The following SOX6 variants were observed in gnomAD, a reference collection of about 807,000 sequenced individuals.
SOX6 encodes the protein SRY-box transcription factor 6, also known as transcription factor SOX-6.
A neutral mutation model predicts 97.8 loss-of-function variants in SOX6; 11 were observed. That is an observed-to-expected ratio of 0.11 (90% confidence interval 0.07 to 0.19). The LOEUF (loss-of-function observed/expected upper bound fraction) is 0.19, where lower values mean the gene tolerates loss of function less well. Ranked by LOEUF, SOX6 falls within the 10% of genes least tolerant of loss-of-function variation. SOX6 has a pLI of 1.00. For synonymous variants in SOX6, 360 were observed against 371.4 expected (o/e 0.97, Z 0.35); for missense variants, 810 against 1,039.5 (o/e 0.78, Z 3.04).
chr11:16,643,301 A>G (rs1231809939), intron 3 of SOX6, among the ~76,000 whole-genome samples: 1 of 152,074 alleles, frequency 6.6e-6, no homozygotes, highest in African/African-American at 2.4e-5. Flanking sequence ...GTACCCAGCC[A>G]TGTGAGGTGT....
At chr11:16,098,803 C>G (rs1848866440) in intron 7 of SOX6, among the ~76,000 whole-genome samples, 1 of 151,744 alleles carries the variant, frequency 6.6e-6, no homozygotes, top group Non-Finnish European at 1.5e-5. Context: ...AATGAATAGA[C>G]AGCTTAGAAA....
At chr11:16,588,040 A>G (rs1235124812) in intron 4 of SOX6, among the ~76,000 whole-genome samples, 1 of 152,240 alleles carries the variant, frequency 6.6e-6, no homozygotes, top group Non-Finnish European at 1.5e-5. Flanking sequence ...CACTATGGAA[A>G]TATACTCTAT....
chr11:16,058,918 C>A (rs902902637), intron 9 of SOX6, among the ~76,000 whole-genome samples: 1 of 152,010 alleles, frequency 6.6e-6, no homozygotes, highest in Admixed American at 6.6e-5. Flanking sequence ...AGGGAGGGAT[C>A]ATCTTATGTC....
At chr11:16,091,552 C>A (rs1848688011) in intron 9 of SOX6, among the ~76,000 whole-genome samples, 1 of 152,084 alleles carries the variant, frequency 6.6e-6, no homozygotes, top group South Asian at 2.1e-4. Context: ...CTGATGGGCA[C>A]TTCTTTACTT....
intron 4 of SOX6, among the ~76,000 whole-genome samples, chr11:16,578,678 A>G (rs1207747298): frequency 6.6e-6 from 1 of 152,168 alleles, no homozygotes; most frequent in Non-Finnish European, 1.5e-5. Flanking sequence ...CTTAAAATAC[A>G]AAGTTTGAAA....
At chr11:16,037,435 G>A (rs1382349826) in intron 12 of SOX6, among the ~76,000 whole-genome samples, 3 of 152,184 alleles carry the variant, frequency 2.0e-5, no homozygotes, top group South Asian at 2.1e-4. Flanking sequence ...AGGAAGGGCA[G>A]GAGTGCAAAA....
intron 2 of SOX6, among the ~76,000 whole-genome samples, chr11:16,332,389 C>A (rs1048289785): frequency 6.6e-6 from 1 of 152,038 alleles, no homozygotes. Flanking sequence ...TTCTATTATA[C>A]CACCATAATC....
chr11:16,137,507 C>T (rs990878889), intron 6 of SOX6, among the ~76,000 whole-genome samples: 1 of 152,094 alleles, frequency 6.6e-6, no homozygotes, highest in African/African-American at 2.4e-5. Flanking sequence ...ATAAAAAGTC[C>T]ATTGTTTAGA....
intron 4 of SOX6, among the ~76,000 whole-genome samples, chr11:16,542,878 T>C (rs1364230382): frequency 6.6e-6 from 1 of 152,198 alleles, no homozygotes; most frequent in African/African-American, 2.4e-5. Context: ...GGTTGTTTTC[T>C]TTTTCAGAAT....
chr11:16,511,927 T>A (rs551155099), intron 4 of SOX6, among the ~76,000 whole-genome samples: 14 of 152,326 alleles, frequency 9.2e-5, no homozygotes, highest in African/African-American at 3.4e-4. Context: ...CCCATTTCAG[T>A]GTCTTACAGT....
At chr11:16,237,650 T>C (rs937614316) in intron 3 of SOX6, among the ~76,000 whole-genome samples, 3 of 151,966 alleles carry the variant, frequency 2.0e-5, no homozygotes, top group East Asian at 3.9e-4. Context: ...TGAGTGGCTT[T>C]AACACAGTAA....
intron 3 of SOX6, among the ~76,000 whole-genome samples, chr11:16,293,606 T>C (rs1467596962): frequency 6.6e-6 from 1 of 152,050 alleles, no homozygotes; most frequent in Non-Finnish European, 1.5e-5. Context: ...CACTACATTC[T>C]TTTGGCAACA....
In SOX6 at chr11:16,607,211, G is replaced by A. The variant is rs936472918; in HGVS notation, n.609+4870C>T. 2 of 152,724 alleles carry A rather than the reference G, an allele frequency of 1.3e-5. No homozygotes were observed. Among genetic ancestry groups the A allele is most frequent in the African/African-American group, 2.4e-5 (1 of 41,458 alleles). The allele number at this position is 152,724 out of a possible 1,614,324, so 9.5% of individuals were successfully genotyped here. A position where few individuals can be genotyped will look rare whatever the true frequency, so the allele number is the denominator to read the frequency against. ...GCCCGGAAGGGCAGGAGCGGAAGAC[G>A]CCGGGGGACGGCGGCCCGGCCCTGG... On this transcript the variant is annotated intron_variant and non_coding_transcript_variant, in intron 4 of 5. Transcript: ENST00000524520. This position sits in a 1 kb window ranked among gnomAD's most constrained non-coding sequence, Gnocchi z 6.5.
chr11:16,534,337 C>T (rs1861277378), intron 4 of SOX6, among the ~76,000 whole-genome samples: 1 of 152,070 alleles, frequency 6.6e-6, no homozygotes, highest in African/African-American at 2.4e-5. Flanking sequence ...ATAGATAACA[C>T]TGATTTTTTT....
intron 12 of SOX6, among the ~76,000 whole-genome samples, chr11:16,034,725 T>C (rs1318536443): frequency 6.6e-6 from 1 of 152,220 alleles, no homozygotes; most frequent in South Asian, 2.1e-4. Context: ...ACACATACAC[T>C]GTCATACAGA....
chr11:16,524,472 G>C, intron 4 of SOX6, among the ~76,000 whole-genome samples: 2 of 152,082 alleles, frequency 1.3e-5, no homozygotes, highest in Admixed American at 1.3e-4. Flanking sequence ...GGTATTGATG[G>C]GACATATCTC....
intron 12 of SOX6, among the ~76,000 whole-genome samples, chr11:16,017,534 G>C (rs182223505): frequency 1.3e-5 from 2 of 152,138 alleles, no homozygotes; most frequent in African/African-American, 4.8e-5. Context: ...TTTCTTCAAA[G>C]AATAGCTCAG....
intron 3 of SOX6, among the ~76,000 whole-genome samples, chr11:16,278,781 T>C (rs866664307): frequency 5.3e-5 from 8 of 152,030 alleles, no homozygotes; most frequent in Non-Finnish European, 8.8e-5. Flanking sequence ...CAGAAAATTC[T>C]TATAGATTAT....
intron 6 of SOX6, among the ~76,000 whole-genome samples, chr11:16,169,095 C>A (rs149142646): frequency 6.6e-5 from 10 of 152,140 alleles, no homozygotes; most frequent in African/African-American, 2.4e-4. Context: ...GAATTTTTAA[C>A]AAATTTATTG....
Sources: allele counts gnomAD v4.1 joint callset (sites outside exome capture counted in the v4.1 genomes callset), GRCh38; gene constraint gnomAD v4.1.1; non-coding constraint Gnocchi (gnomAD v3.1); transcripts MANE v1.5; gene names NCBI Gene and HGNC (gene_info 2026-07-23, HGNC 2026-07-21).